CBR4: variants seen among roughly 807,000 people sequenced by gnomAD.
CBR4 encodes the protein 3-oxoacyl-[acyl-carrier-protein] reductase.
In CBR4, 22 loss-of-function variants were observed where a neutral mutation model predicts 21.0. The observed-to-expected ratio is 1.05, with a 90% CI of 0.75 to 1.50. The LOEUF (loss-of-function observed/expected upper bound fraction) is 1.50. CBR4 is among the 40% of genes most tolerant of loss of function. The probability of loss-of-function intolerance (pLI) is 0.00; values close to 1 mark genes in which losing one functional copy is unlikely to be tolerated. For missense variants in CBR4, 302 were observed against 286.3 expected (o/e 1.05, Z -0.40); for synonymous variants, 100 against 104.4 (o/e 0.96, Z 0.26).
At chr4:168,947,199 A>G (rs1469199319) in intron 2 of CBR4, among the ~76,000 whole-genome samples, 1 of 151,972 alleles carries the variant, frequency 6.6e-6, no homozygotes. Context: ...AGTTTGGTTT[A>G]CCCGTTTTAA....
At chr4:168,958,133 G>T (rs921202452) in intron 2 of CBR4, among the ~76,000 whole-genome samples, 1 of 152,100 alleles carries the variant, frequency 6.6e-6, no homozygotes, top group African/African-American at 2.4e-5. Flanking sequence ...GCGTGGTGGT[G>T]AGCACCTGTA....
In CBR4 at chr4:168,989,383, A is replaced by G. The variant is rs1764807193; in HGVS notation, c.*767T>C. The stretch of plus-strand genomic sequence containing the variant: ...CACTTATGAGAATTTCTCAAGAATG[A>G]GTCAAATGCGCCACATTTAAATTTG... On this transcript the variant is annotated 3_prime_UTR_variant, in exon 5 of 5. Transcript: ENST00000306193. The G allele has an allele frequency of 1.0e-6, 1 of 985,288 alleles. No individual in the cohort carries two copies. Among genetic ancestry groups the G allele is most frequent in the African/African-American group, 1.7e-5 (1 of 57,244 alleles). 61.0% of individuals were successfully genotyped at this position (985,288 alleles called of 1,614,324 possible). A position where few individuals can be genotyped will look rare whatever the true frequency, so the allele number is the denominator to read the frequency against.
intron 2 of CBR4, among the ~76,000 whole-genome samples, chr4:168,964,605 G>A (rs1763963551): frequency 6.6e-6 from 1 of 152,174 alleles, no homozygotes. Flanking sequence ...AGTATCAGCT[G>A]TAATTCCCCA....
chr4:168,897,738 C>T (rs1167971105), intron 2 of CBR4, among the ~76,000 whole-genome samples: 1 of 152,180 alleles, frequency 6.6e-6, no homozygotes, highest in Non-Finnish European at 1.5e-5. Flanking sequence ...CAGGCATGAG[C>T]CACTGTACCT....
intron 2 of CBR4, among the ~76,000 whole-genome samples, chr4:168,942,339 A>G (rs1763287139): frequency 6.6e-6 from 1 of 152,156 alleles, no homozygotes; most frequent in Non-Finnish European, 1.5e-5. Flanking sequence ...ACCATGGCAC[A>G]TGTATACCTA....
At chr4:168,898,457 G>T (rs1560880826) in intron 2 of CBR4, 19 of 1,326,454 alleles carry the variant, frequency 1.4e-5, no homozygotes, top group Non-Finnish European at 1.7e-5. Context: ...TGTCAGAAGG[G>T]ATTGAGTCTG....
downstream of CBR4, chr4:168,987,491 A>T (rs1179746112): frequency 9.1e-6 from 2 of 220,238 alleles, no homozygotes; most frequent in Admixed American, 6.5e-5. Flanking sequence ...TGAACACAGT[A>T]TGGTCTCTTC....
intron 2 of CBR4, among the ~76,000 whole-genome samples, chr4:168,938,110 AGTCT>A (rs1489498225): frequency 6.6e-6 from 1 of 152,192 alleles, no homozygotes; most frequent in African/African-American, 2.4e-5. Flanking sequence ...CATAACAAAC[AGTCT>A]GTCAGACCAC....
intron 4 of CBR4, among the ~76,000 whole-genome samples, chr4:168,991,898 C>T (rs1182416969): frequency 6.6e-6 from 1 of 152,148 alleles, no homozygotes; most frequent in Non-Finnish European, 1.5e-5. Context: ...CTCAAAAATA[C>T]AGTTTTCAAA....
chr4:168,916,348 C>T (rs1311451712), intron 2 of CBR4, among the ~76,000 whole-genome samples: 1 of 151,924 alleles, frequency 6.6e-6, no homozygotes, highest in Non-Finnish European at 1.5e-5. Flanking sequence ...GGAGCTGAAG[C>T]TATGTGAGCT....
intron 2 of CBR4, chr4:168,927,001 AT>A (rs886059211): frequency 2.6e-4 from 58 of 219,050 alleles, no homozygotes; most frequent in Non-Finnish European, 1.4e-4. Context: ...AGTTCTTAAC[AT>A]TTTTTTTCTT....
chr4:169,004,731 G>C (rs1194105286), intron 3 of CBR4, among the ~76,000 whole-genome samples: 1 of 152,110 alleles, frequency 6.6e-6, no homozygotes, highest in Non-Finnish European at 1.5e-5. Flanking sequence ...AGACATGCTT[G>C]TACTGTCAAT....
chr4:168,995,955 C>G (rs748877464), intron 4 of CBR4, among the ~76,000 whole-genome samples: 20 of 152,116 alleles, frequency 1.3e-4, no homozygotes, highest in Non-Finnish European at 2.8e-4. Flanking sequence ...AGAGTGGTGC[C>G]CTCTGAATCC....
chr4:168,965,532 G>C (rs1356525873), intron 2 of CBR4, among the ~76,000 whole-genome samples: 1 of 152,090 alleles, frequency 6.6e-6, no homozygotes, highest in Non-Finnish European at 1.5e-5. Context: ...AAAACAGCAT[G>C]GTACTGGTAC....
At chr4:168,926,525 T>G (rs1182928127) in intron 2 of CBR4, 8 of 621,684 alleles carry the variant, frequency 1.3e-5, no homozygotes, top group Non-Finnish European at 2.2e-5. Flanking sequence ...AATATTTTTC[T>G]TACTTGATAT....
At chr4:168,930,294 G>A (rs946695888) in intron 2 of CBR4, among the ~76,000 whole-genome samples, 1 of 152,008 alleles carries the variant, frequency 6.6e-6, no homozygotes, top group Admixed American at 6.6e-5. Flanking sequence ...AAGGCATATG[G>A]CACCAAAAAA....
At position 168,973,776 on chromosome 4, in the gene CBR4, G is replaced by A. The variant is rs1021344160; in HGVS notation, n.169+28295C>T. ...TTTCTTCCTGGTTTAATCTACGAGG[G>A]TTGTATATTTCCAGGAATGTATCTA... On this transcript the variant is annotated intron_variant and non_coding_transcript_variant, in intron 2 of 3. Transcript: ENST00000509108. Among the ~76,000 whole-genome samples the A allele has an allele frequency of 2.8e-4, 43 of 152,182 alleles. 1 individual carries two copies. The highest frequency in any genetic ancestry group is 9.7e-4 in the African/African-American group (40 of 41,434).
At chr4:168,901,652 G>A (rs1310322913) in intron 2 of CBR4, among the ~76,000 whole-genome samples, 1 of 152,152 alleles carries the variant, frequency 6.6e-6, no homozygotes. Context: ...GAGGTCAGGA[G>A]TTTAAGAACA....
At chr4:168,904,490 G>T (rs1757204993) in intron 2 of CBR4, among the ~76,000 whole-genome samples, 1 of 152,160 alleles carries the variant, frequency 6.6e-6, no homozygotes, top group African/African-American at 2.4e-5. Flanking sequence ...ATAGGAGGCT[G>T]CTGGGTATCA....
Sources: allele counts gnomAD v4.1 joint callset (sites outside exome capture counted in the v4.1 genomes callset), GRCh38; gene constraint gnomAD v4.1.1; transcripts MANE v1.5; gene names NCBI Gene and HGNC (gene_info 2026-07-23, HGNC 2026-07-21).